Variants in RBFOX1 observed in about 807,000 individuals in gnomAD.
The protein encoded by RBFOX1 is RNA binding protein fox-1 homolog 1.
In RBFOX1, 8 loss-of-function variants were observed where a neutral mutation model predicts 57.7. That is an observed-to-expected ratio of 0.14 (90% CI 0.08 to 0.25). The LOEUF is 0.25. Among genes scored for constraint, RBFOX1 ranks in the 10% least tolerant of loss-of-function variants. The pLI is 1.00. For missense variants in RBFOX1, 611 were observed against 548.5 expected, an observed-to-expected ratio of 1.11 and a Z score of -1.14; for synonymous variants, 326 against 222.4, an observed-to-expected ratio of 1.47 and a Z score of -4.15.
At chr16:7,144,681 A>T (rs1163872908) in intron 4 of RBFOX1, among the ~76,000 whole-genome samples, 3 of 151,194 alleles carry the variant, frequency 2.0e-5, no homozygotes, top group Non-Finnish European at 4.4e-5. Flanking sequence ...GATGGTTTTC[A>T]CTCTGCAGAG....
At chr16:5,392,545 T>C (rs2066442110) in intron 1 of RBFOX1, among the ~76,000 whole-genome samples, 1 of 151,544 alleles carries the variant, frequency 6.6e-6, no homozygotes, top group Non-Finnish European at 1.5e-5. Flanking sequence ...TTTCTTTTTT[T>C]CTTTTTTTTT....
intron 2 of RBFOX1, among the ~76,000 whole-genome samples, chr16:6,608,423 G>A (rs1392566130): frequency 6.6e-6 from 1 of 152,132 alleles, no homozygotes; most frequent in Non-Finnish European, 1.5e-5. Context: ...CTGCAAAATG[G>A]GGATAACAGT....
chr16:7,693,825 C>G (rs2077958578), intron 14 of RBFOX1, among the ~76,000 whole-genome samples: 1 of 152,104 alleles, frequency 6.6e-6, no homozygotes, highest in South Asian at 2.1e-4. Flanking sequence ...AGCTTAGAGG[C>G]ATTCGAGAAT....
rs143817968 is a variant in RBFOX1, at chr16:5,692,445, A to G, written c.318+93484A>G. On this transcript the variant is annotated intron_variant, in intron 3 of 19. Coordinates refer to the RBFOX1 transcript ENST00000641259. ...AACCACTGGGGAAGACTTGAAGTGG[A>G]TCTTTCCCAACTGAGACTCTGTGTA... Among the ~76,000 whole-genome samples the G allele has an allele frequency of 1.3e-4, 20 of 152,172 alleles. 1 individual carries two copies. The East Asian group carries it at 1.9e-3, about 15-fold the overall frequency.
chr16:7,237,893 A>G (rs2093851660), intron 4 of RBFOX1, among the ~76,000 whole-genome samples: 1 of 152,158 alleles, frequency 6.6e-6, no homozygotes. Context: ...GAAGCCAGCT[A>G]CTCAGGAGGC....
intron 4 of RBFOX1, among the ~76,000 whole-genome samples, chr16:5,987,923 A>T (rs991048962): frequency 1.3e-5 from 2 of 152,166 alleles, no homozygotes; most frequent in African/African-American, 4.8e-5. Context: ...GTATTCCAAG[A>T]TTTCTAGATG....
chr16:7,565,983 G>A (rs778403544), intron 5 of RBFOX1, among the ~76,000 whole-genome samples: 11 of 152,116 alleles, frequency 7.2e-5, no homozygotes, highest in African/African-American at 2.7e-4. Context: ...TAGTTTCCTG[G>A]AATGATTCAG....
chr16:7,000,657 T>A (rs1469508205), intron 3 of RBFOX1, among the ~76,000 whole-genome samples: 1 of 132,078 alleles, frequency 7.6e-6, no homozygotes, highest in African/African-American at 2.8e-5. Context: ...CAGGCTGGAG[T>A]GCAGTGGCAT....
chr16:7,397,873 G>C (rs2098168343), intron 4 of RBFOX1, among the ~76,000 whole-genome samples: 1 of 152,078 alleles, frequency 6.6e-6, no homozygotes, highest in African/African-American at 2.4e-5. Flanking sequence ...TGGAACCTTA[G>C]TTTTCTCATC....
chr16:7,122,362 G>T (rs2067376639), intron 4 of RBFOX1, among the ~76,000 whole-genome samples: 1 of 152,188 alleles, frequency 6.6e-6, no homozygotes, highest in South Asian at 2.1e-4. Flanking sequence ...ACTTCACTTA[G>T]AGTATATTCA....
chr16:5,308,638 A>G (rs2067935), intron 1 of RBFOX1, among the ~76,000 whole-genome samples: 84,976 of 151,978 alleles, frequency 0.56, 26,800 homozygotes, highest in East Asian at 0.74. Flanking sequence ...TATTTTGGCT[A>G]TGTAAATATT....
intron 1 of RBFOX1, among the ~76,000 whole-genome samples, chr16:5,297,216 A>T (rs1596442683): frequency 6.6e-6 from 1 of 152,204 alleles, no homozygotes; most frequent in Non-Finnish European, 1.5e-5. Flanking sequence ...TGCAGTGAAC[A>T]TGGGAGTGCA....
chr16:6,410,808 A>C (rs768506244), intron 2 of RBFOX1, among the ~76,000 whole-genome samples: 15 of 152,202 alleles, frequency 9.9e-5, no homozygotes, highest in Non-Finnish European at 1.6e-4. Context: ...GAGTGGAAAC[A>C]AACCTACCTG....
At chr16:6,313,717 G>A (rs1467401153) in intron 1 of RBFOX1, among the ~76,000 whole-genome samples, 1 of 151,744 alleles carries the variant, frequency 6.6e-6, no homozygotes, top group Non-Finnish European at 1.5e-5. Context: ...TGTAATCTTG[G>A]TACAATGAAA....
intron 1 of RBFOX1, among the ~76,000 whole-genome samples, chr16:6,267,340 T>C (rs1253122747): frequency 6.6e-6 from 1 of 152,202 alleles, no homozygotes; most frequent in Non-Finnish European, 1.5e-5. Context: ...TATTATTTGG[T>C]GATTTGTTTG....
intron 4 of RBFOX1, among the ~76,000 whole-genome samples, chr16:7,297,807 T>C (rs2095930455): frequency 6.6e-6 from 1 of 152,026 alleles, no homozygotes; most frequent in Non-Finnish European, 1.5e-5. Flanking sequence ...CTGTACAGAG[T>C]AAAAATTGAA....
intron 2 of RBFOX1, among the ~76,000 whole-genome samples, chr16:5,530,470 A>G (rs1169848753): frequency 1.3e-5 from 2 of 152,180 alleles, no homozygotes; most frequent in Non-Finnish European, 2.9e-5. Flanking sequence ...TAGGACATGC[A>G]TTTCACCTCT....
chr16:7,589,721 T>A (rs1379209206), intron 7 of RBFOX1, among the ~76,000 whole-genome samples: 1 of 152,060 alleles, frequency 6.6e-6, no homozygotes, highest in Non-Finnish European at 1.5e-5. Context: ...GGGCCTTATT[T>A]AGAGGAGCAT....
chr16:5,785,865 C>T (rs748531336), intron 3 of RBFOX1, among the ~76,000 whole-genome samples: 6 of 152,134 alleles, frequency 3.9e-5, no homozygotes, highest in Non-Finnish European at 8.8e-5. Context: ...TGCCTCTCTT[C>T]ATTCCCACTG....
Sources: gnomAD v4.1 joint callset for allele counts (sites outside exome capture counted in the v4.1 genomes callset) on GRCh38, gnomAD v4.1.1 for gene constraint, MANE v1.5 for transcripts, NCBI Gene and HGNC (gene_info 2026-07-23, HGNC 2026-07-21) for gene names.